BANK1: variants seen among roughly 807,000 people sequenced by gnomAD.
The protein encoded by BANK1 is B cell scaffold protein with ankyrin repeats 1.
In BANK1, 95 loss-of-function variants were observed where a neutral mutation model predicts 94.5. The observed-to-expected ratio is 1.00, with a 90% CI of 0.85 to 1.19. The LOEUF is 1.19. BANK1 is among the 50% of genes most tolerant of loss of function. The pLI is 0.00. For synonymous variants in BANK1, 334 were observed against 308.4 expected (o/e 1.08, Z -0.87); for missense variants, 987 against 932.2 (o/e 1.06, Z -0.77).
At chr4:101,796,499 G>C (rs1301332936) in intron 1 of BANK1, among the ~76,000 whole-genome samples, 2 of 152,166 alleles carry the variant, frequency 1.3e-5, no homozygotes, top group African/African-American at 2.4e-5. Context: ...ACTAGGAATA[G>C]AGTATGAGTA....
intron 11 of BANK1, among the ~76,000 whole-genome samples, chr4:102,052,111 TTC>T (rs1728069022): frequency 7.8e-6 from 1 of 128,350 alleles, no homozygotes; most frequent in African/African-American, 2.9e-5. Context: ...TGTTCTTTTT[TTC>T]TTTTTTTTTT....
chr4:101,999,112 C>G (rs772475152), intron 7 of BANK1, among the ~76,000 whole-genome samples: 13 of 152,184 alleles, frequency 8.5e-5, no homozygotes, highest in Non-Finnish European at 1.8e-4. Context: ...CCATTGTCTT[C>G]TACCTTCTGG....
intron 7 of BANK1, among the ~76,000 whole-genome samples, chr4:101,994,587 G>T (rs1424979175): frequency 6.6e-6 from 1 of 152,090 alleles, no homozygotes; most frequent in East Asian, 1.9e-4. Context: ...CATGAAAATG[G>T]AATCAGAAAA....
intron 7 of BANK1, among the ~76,000 whole-genome samples, chr4:102,006,614 A>AT (rs1374503688): frequency 6.6e-6 from 1 of 152,050 alleles, no homozygotes; most frequent in East Asian, 1.9e-4. Context: ...GGGGGTTTTA[A>AT]GACACAAGGC....
At chr4:102,051,686 C>G (rs1046805780) in intron 11 of BANK1, among the ~76,000 whole-genome samples, 1 of 152,134 alleles carries the variant, frequency 6.6e-6, no homozygotes, top group African/African-American at 2.4e-5. Context: ...CTCCTGACCC[C>G]AGCTACCTCT....
Position 101,895,410 on chromosome 4 carries a change from TGTGA to T in BANK1, c.1009+3_1009+6del, listed in dbSNP as rs756113911. ...AACTGAAATTTGTTCTCAAAACAAA[TGTGA>T]GTATTTTCCAGCTGCATCAATTATT... is the stretch of plus-strand genomic sequence containing the variant. On this transcript the variant is annotated splice_donor_variant and splice_donor_region_variant and intron_variant, in intron 6 of 16. Transcript: ENST00000322953. LOFTEE classifies it high-confidence loss of function. 138 of 1,508,224 alleles carry T rather than the reference TGTGA, an allele frequency of 9.1e-5. No individual in the cohort carries two copies. The highest frequency in any genetic ancestry group is 1.1e-4 in the Non-Finnish European group (123 of 1,092,922). 93.4% of individuals were successfully genotyped at this position (1,508,224 alleles called of 1,614,324 possible).
intron 10 of BANK1, among the ~76,000 whole-genome samples, chr4:102,040,845 C>A (rs1414492657): frequency 6.6e-6 from 1 of 151,864 alleles, no homozygotes; most frequent in African/African-American, 2.4e-5. Flanking sequence ...CATTAGAGAT[C>A]GTCACATCTA....
chr4:101,790,850 G>C lies in BANK1; in HGVS notation c.-31G>C, dbSNP rs769756615. 2.6e-6 allele frequency: 4 copies of C among 1,535,582 alleles called. No individual in the cohort carries two copies. Among genetic ancestry groups the C allele is most frequent in the East Asian group, 2.5e-5 (1 of 40,758 alleles). On this transcript the variant is annotated 5_prime_UTR_variant, in exon 1 of 17. Transcript: ENST00000322953. ...TCCAGGTAGCGCTCGGCGGGCAGCA[G>C]TGCGCAGGCCCCTCGGCTTCAACCG... is the stretch of plus-strand genomic sequence containing the variant.
At chr4:101,952,843 G>C (rs1476982479) in intron 7 of BANK1, among the ~76,000 whole-genome samples, 1 of 152,094 alleles carries the variant, frequency 6.6e-6, no homozygotes. Context: ...CCACACTCCA[G>C]CATTGCCATG....
At chr4:101,881,298 C>T (rs918835471) in intron 5 of BANK1, among the ~76,000 whole-genome samples, 18 of 151,868 alleles carry the variant, frequency 1.2e-4, no homozygotes, top group Admixed American at 2.6e-4. Flanking sequence ...CAAAAGAAGA[C>T]GTACAGATGG....
intron 5 of BANK1, among the ~76,000 whole-genome samples, chr4:101,875,495 G>T (rs1019514267): frequency 1.3e-5 from 2 of 152,170 alleles, no homozygotes; most frequent in African/African-American, 4.8e-5. Context: ...TTGGCAGGAG[G>T]TGGTTGGGGG....
intron 2 of BANK1, among the ~76,000 whole-genome samples, chr4:101,834,010 G>A (rs1243114865): frequency 6.6e-6 from 1 of 152,124 alleles, no homozygotes; most frequent in Non-Finnish European, 1.5e-5. Flanking sequence ...AAGATTGTTA[G>A]TAAAATTTTA....
At chr4:102,054,860 G>T (rs1242272661) in intron 11 of BANK1, among the ~76,000 whole-genome samples, 4 of 152,002 alleles carry the variant, frequency 2.6e-5, no homozygotes, top group Non-Finnish European at 5.9e-5. Flanking sequence ...TTTCCTTCTT[G>T]TATAGAGTGA....
chr4:102,005,540 G>A (rs1405279949), intron 7 of BANK1, among the ~76,000 whole-genome samples: 1 of 152,068 alleles, frequency 6.6e-6, no homozygotes, highest in African/African-American at 2.4e-5. Flanking sequence ...GAACAGCTAA[G>A]AAGGATGGAA....
At chr4:101,911,248 G>A (rs1010361595) in intron 6 of BANK1, among the ~76,000 whole-genome samples, 4 of 152,140 alleles carry the variant, frequency 2.6e-5, no homozygotes, top group Non-Finnish European at 4.4e-5. Flanking sequence ...TGTCATTGAA[G>A]TGAAAAAGAA....
chr4:101,919,522 A>G (rs1722932036), intron 7 of BANK1, among the ~76,000 whole-genome samples: 2 of 151,948 alleles, frequency 1.3e-5, no homozygotes, highest in East Asian at 3.9e-4. Context: ...TTTTTCTCTT[A>G]CACCCTCTCA....
At chr4:101,899,686 A>G (rs187061234) in intron 6 of BANK1, among the ~76,000 whole-genome samples, 1 of 152,336 alleles carries the variant, frequency 6.6e-6, no homozygotes, top group Admixed American at 6.5e-5. Context: ...CTGTGAGTAC[A>G]AAACAGGAAG....
intron 1 of BANK1, among the ~76,000 whole-genome samples, chr4:101,792,683 T>C (rs901004695): frequency 1.3e-5 from 2 of 152,068 alleles, no homozygotes; most frequent in African/African-American, 4.8e-5. Context: ...CATGTAGTAG[T>C]AATAAGAATG....
intron 7 of BANK1, among the ~76,000 whole-genome samples, chr4:102,010,391 CTT>C (rs1209533993): frequency 1.2e-4 from 16 of 130,408 alleles, no homozygotes; most frequent in East Asian, 2.2e-4. Flanking sequence ...TGATTAATTT[CTT>C]TTTTTTTTTT....
Sources: gnomAD v4.1 joint callset for allele counts (sites outside exome capture counted in the v4.1 genomes callset) on GRCh38, gnomAD v4.1.1 for gene constraint, MANE v1.5 for transcripts, NCBI Gene and HGNC (gene_info 2026-07-23, HGNC 2026-07-21) for gene names.